Variants in MSRA observed in about 807,000 individuals in gnomAD.
MSRA encodes the protein mitochondrial peptide methionine sulfoxide reductase.
A neutral mutation model predicts 31.3 loss-of-function variants in MSRA; 54 were observed. The observed-to-expected ratio is 1.73, with a 90% confidence interval of 1.39 to 2.17. The LOEUF (loss-of-function observed/expected upper bound fraction) is 2.17, where lower values mean the gene tolerates loss of function less well. Ranked by LOEUF, MSRA falls within the 30% of genes most tolerant of loss-of-function variation. The pLI is 0.00. For missense variants in MSRA, 507 were observed against 300.9 expected (o/e 1.69, Z -5.07); for synonymous variants, 169 against 116.5 (o/e 1.45, Z -2.90).
intron 3 of MSRA, among the ~76,000 whole-genome samples, chr8:10,291,702 A>C (rs17151588): frequency 0.31 from 46,732 of 151,896 alleles, 7,339 homozygotes; most frequent in East Asian, 0.36. Context: ...CACCTGGATC[A>C]TTCTGTGTGC....
intron 1 of MSRA, among the ~76,000 whole-genome samples, chr8:10,154,444 C>T (rs554539652): frequency 4.6e-5 from 7 of 152,116 alleles, no homozygotes; most frequent in African/African-American, 1.7e-4. Context: ...GTGGCACAAT[C>T]TCGGCTCACT....
chr8:10,219,696 CTTGGGAG>C (rs1193481970), intron 2 of MSRA, among the ~76,000 whole-genome samples: 1 of 146,590 alleles, frequency 6.8e-6, no homozygotes. Context: ...GTCCCAGCTA[CTTGGGAG>C]GCTGAGGCAG....
intron 5 of MSRA, among the ~76,000 whole-genome samples, chr8:10,402,943 C>A (rs1057096556): frequency 6.6e-6 from 1 of 152,292 alleles, no homozygotes; most frequent in African/African-American, 2.4e-5. Flanking sequence ...ACCATGCCTA[C>A]CATTGAAGCC....
chr8:10,206,369 C>A (rs11783705), intron 1 of MSRA, among the ~76,000 whole-genome samples: 36,344 of 152,136 alleles, frequency 0.24, 5,805 homozygotes, highest in Non-Finnish European at 0.36. Flanking sequence ...CACCACCTTG[C>A]CCTCAGAACC....
At chr8:10,079,672 A>G (rs369497673) in intron 1 of MSRA, among the ~76,000 whole-genome samples, 35 of 152,196 alleles carry the variant, frequency 2.3e-4, no homozygotes, top group Middle Eastern at 3.4e-3. Flanking sequence ...TTAGTCCTTC[A>G]TATTTGGTGC....
chr8:10,424,658 G>C (rs1809023437), intron 5 of MSRA, among the ~76,000 whole-genome samples: 2 of 146,952 alleles, frequency 1.4e-5, no homozygotes, highest in South Asian at 4.4e-4. Context: ...AGCTAAACTG[G>C]ACGGGGAGAA....
At chr8:10,275,703 C>T (rs141727541) in intron 3 of MSRA, among the ~76,000 whole-genome samples, 3 of 152,172 alleles carry the variant, frequency 2.0e-5, no homozygotes, top group Non-Finnish European at 2.9e-5. Context: ...AAGGAGATGC[C>T]ATGAGAAACT....
At chr8:10,424,268 G>A (rs537393691) in intron 5 of MSRA, among the ~76,000 whole-genome samples, 6 of 152,230 alleles carry the variant, frequency 3.9e-5, no homozygotes, top group African/African-American at 1.2e-4. Flanking sequence ...AAAATAGTGC[G>A]CAGAGGGGAA....
At chr8:10,098,505 T>G (rs1343396403) in intron 1 of MSRA, among the ~76,000 whole-genome samples, 2 of 152,202 alleles carry the variant, frequency 1.3e-5, no homozygotes, top group East Asian at 3.8e-4. Flanking sequence ...TGCTAATATT[T>G]TATTGATAAA....
intron 3 of MSRA, among the ~76,000 whole-genome samples, chr8:10,248,011 C>T (rs1016960018): frequency 1.4e-4 from 22 of 152,156 alleles, no homozygotes; most frequent in African/African-American, 4.6e-4. Flanking sequence ...CGGGCCTCCC[C>T]TCTGAAGCCT....
At chr8:10,274,556 T>C (rs1398756701) in intron 3 of MSRA, among the ~76,000 whole-genome samples, 2 of 152,226 alleles carry the variant, frequency 1.3e-5, no homozygotes, top group East Asian at 1.9e-4. Flanking sequence ...GGAGAAGTTA[T>C]GGACTTTTCA....
chr8:10,206,952 C>T (rs1325357776), intron 1 of MSRA, among the ~76,000 whole-genome samples: 1 of 152,238 alleles, frequency 6.6e-6, no homozygotes, highest in Admixed American at 6.5e-5. Flanking sequence ...TGAACCCAGC[C>T]AATCCAGTGT....
intron 1 of MSRA, among the ~76,000 whole-genome samples, chr8:10,085,006 T>TA (rs1422425223): frequency 6.6e-6 from 1 of 152,236 alleles, no homozygotes; most frequent in Non-Finnish European, 1.5e-5. Flanking sequence ...GAAGTGAGTT[T>TA]AAAACATATC....
At chr8:10,253,250 G>A (rs2129087741) in intron 3 of MSRA, among the ~76,000 whole-genome samples, 2 of 152,294 alleles carry the variant, frequency 1.3e-5, no homozygotes, top group East Asian at 3.9e-4. Context: ...AAGGGCAAGG[G>A]GTGAGTGAAT....
At chr8:10,118,758 C>T (rs78674912) in intron 1 of MSRA, among the ~76,000 whole-genome samples, 189 of 152,288 alleles carry the variant, frequency 1.2e-3, no homozygotes, top group African/African-American at 4.4e-3. Flanking sequence ...TCCCTCAAAA[C>T]CAGCTCCTCT....
chr8:10,082,576 AC>A (rs1798350290), intron 1 of MSRA, among the ~76,000 whole-genome samples: 1 of 152,042 alleles, frequency 6.6e-6, no homozygotes, highest in South Asian at 2.1e-4. Flanking sequence ...TCCAAATCCT[AC>A]CAAGTTGTTT....
At chr8:10,261,618 A>G (rs1342347298) in intron 3 of MSRA, among the ~76,000 whole-genome samples, 2 of 152,168 alleles carry the variant, frequency 1.3e-5, no homozygotes, top group African/African-American at 2.4e-5. Context: ...CAGAGTTCCA[A>G]TGTTACCGCC....
Position 10,404,889 on chromosome 8 carries a change from T to A in MSRA, c.544-23259T>A, listed in dbSNP as rs531255335. 5.1e-4 allele frequency among the ~76,000 whole-genome samples: 77 copies of A among 152,248 alleles called. 1 individual carries two copies. Among genetic ancestry groups the A allele is most frequent in the African/African-American group, 1.8e-3 (73 of 41,560 alleles). On this transcript the variant is annotated intron_variant, in intron 5 of 5. Coordinates refer to ENST00000317173, the MANE Select transcript of MSRA (RefSeq NM_012331.5). Reference sequence around the variant, plus strand: ...TCCCCAGTCTCCTTGCTAGTGTGTGTGGTAAGCGGCACAGCTGTGCACCCA... The same window carrying A: ...TCCCCAGTCTCCTTGCTAGTGTGTGAGGTAAGCGGCACAGCTGTGCACCCA...
Position 10,245,110 on chromosome 8 carries a change from G to C in MSRA, c.218G>C (p.Gly73Ala), listed in dbSNP as rs747894130. 2.5e-6 allele frequency: 4 copies of C among 1,611,814 alleles called. No individual in the cohort carries two copies. The African/African-American group carries it at 4.0e-5, about 16-fold the overall frequency. ...TTCTTTTTTCTTTTTTAAGGAATGG[G>C]ATGTTTCTGGGGAGCTGAAAGGAAA... is the stretch of plus-strand genomic sequence containing the variant. Reference protein sequence around the residue: ...EGTQMAVFGMGCFWGAERKFW... With the variant: ...EGTQMAVFGMACFWGAERKFW... The change falls in exon 3 of 6, where the codon GGA (glycine) becomes GCA (alanine). Residue 73 changes from glycine to alanine, a missense_variant. Transcript: ENST00000317173.
Sources: allele counts gnomAD v4.1 joint callset (sites outside exome capture counted in the v4.1 genomes callset), GRCh38; gene constraint gnomAD v4.1.1; transcripts MANE v1.5; gene names NCBI Gene and HGNC (gene_info 2026-07-23, HGNC 2026-07-21).